The following PBX4 variants were observed in gnomAD, a reference collection of about 807,000 sequenced individuals.
PBX4 encodes the protein PBX homeobox 4.
Under a neutral mutation model 35.1 loss-of-function variants are expected in PBX4, and 26 were observed. That is an observed-to-expected ratio of 0.74 (90% confidence interval 0.54 to 1.03). The LOEUF (loss-of-function observed/expected upper bound fraction) is 1.03. Among genes scored for constraint, PBX4 ranks in the 50% least tolerant of loss-of-function variants. PBX4 has a pLI of 0.00. For synonymous variants in PBX4, 199 were observed against 204.2 expected, an observed-to-expected ratio of 0.97 and a Z score of 0.22; for missense variants, 448 against 504.3, an observed-to-expected ratio of 0.89 and a Z score of 1.07.
At chr19:19,617,535 C>T (rs982963792) in intron 1 of PBX4, among the ~76,000 whole-genome samples, 3 of 152,136 alleles carry the variant, frequency 2.0e-5, no homozygotes, top group Admixed American at 2.0e-4. Flanking sequence ...CCTCCTGCCT[C>T]AGCCTCCTAA....
intron 2 of PBX4, among the ~76,000 whole-genome samples, chr19:19,574,987 G>A (rs929848833): frequency 6.6e-6 from 1 of 151,892 alleles, no homozygotes; most frequent in African/African-American, 2.4e-5. Flanking sequence ...GCCCAGCCTG[G>A]AGACTCAATT....
intron 1 of PBX4, among the ~76,000 whole-genome samples, chr19:19,613,445 CAAAAAAAA>C (rs57256131): frequency 1.1e-4 from 12 of 113,636 alleles, no homozygotes; most frequent in Admixed American, 2.8e-4. Context: ...GACTCTGTCT[CAAAAAAAA>C]AAAAAAAAAA....
intron 2 of PBX4, among the ~76,000 whole-genome samples, chr19:19,573,328 T>TACACACACACACACACACAC (rs1387587008): frequency 1.1e-5 from 1 of 92,138 alleles, no homozygotes; most frequent in Non-Finnish European, 2.1e-5. Context: ...AAAAAAAAAA[T>TACACACACACACACACACAC]ATACACACAC....
At chr19:19,588,535 C>T (rs910077205) in intron 2 of PBX4, 15 of 488,094 alleles carry the variant, frequency 3.1e-5, no homozygotes, top group African/African-American at 1.7e-4. Flanking sequence ...CCTCACCCTC[C>T]GAAAGTGCTG....
chr19:19,606,985 T>C (rs1399444818), intron 1 of PBX4, among the ~76,000 whole-genome samples: 1 of 152,132 alleles, frequency 6.6e-6, no homozygotes, highest in Non-Finnish European at 1.5e-5. Context: ...AGCAAGACTC[T>C]GTCTCAAAAC....
chr19:19,590,073 T>C (rs1018064104), intron 2 of PBX4, among the ~76,000 whole-genome samples: 1 of 152,194 alleles, frequency 6.6e-6, no homozygotes, highest in African/African-American at 2.4e-5. Context: ...GTAAGCTTTA[T>C]TGAGATATAA....
chr19:19,587,836 G>A (rs994292100), intron 2 of PBX4, among the ~76,000 whole-genome samples: 3 of 151,726 alleles, frequency 2.0e-5, no homozygotes, highest in Admixed American at 6.6e-5. Flanking sequence ...TCGAATTCAA[G>A]AAAAAACATT....
intron 2 of PBX4, among the ~76,000 whole-genome samples, chr19:19,587,924 C>A (rs1208345449): frequency 6.6e-6 from 1 of 151,998 alleles, no homozygotes; most frequent in Non-Finnish European, 1.5e-5. Flanking sequence ...CTACTACATG[C>A]CTGGGTGAAG....
At chr19:19,596,776 G>A (rs1272499494) in intron 2 of PBX4, among the ~76,000 whole-genome samples, 1 of 151,698 alleles carries the variant, frequency 6.6e-6, no homozygotes, top group African/African-American at 2.4e-5. Flanking sequence ...AAAATTAGCT[G>A]GGCAACGTGG....
At position 19,563,868 on chromosome 19, in the gene PBX4, C is replaced by A. The variant is rs558646451; in HGVS notation, c.926-253G>T. On this transcript the variant is annotated intron_variant, in intron 6 of 7. Coordinates refer to ENST00000251203, the MANE Select transcript of PBX4 (RefSeq NM_025245.3). This position sits in a 1 kb window ranked among gnomAD's most constrained non-coding sequence, Gnocchi z 5.1. ...TGTCACCCAGGCTTGAGTGCAGTGG[C>A]ACGATCTTGGCTCACTGCAAGCTCT... 1.4e-4 allele frequency: 50 copies of A among 367,988 alleles called. No homozygotes were observed. The East Asian group carries it at 2.9e-3, about 21-fold the overall frequency. 22.8% of individuals were successfully genotyped at this position (367,988 alleles called of 1,614,324 possible). A position where few individuals can be genotyped will look rare whatever the true frequency, so the allele number is the denominator to read the frequency against.
At chr19:19,569,163 A>AGCCTCACCC (rs1364218848) in intron 5 of PBX4, among the ~76,000 whole-genome samples, 4 of 152,070 alleles carry the variant, frequency 2.6e-5, no homozygotes, top group Admixed American at 6.6e-5. Flanking sequence ...GGCTCAAGTG[A>AGCCTCACCC]TCCTTCCACC....
chr19:19,600,816 C>CAAAAA (rs35643130), intron 1 of PBX4, among the ~76,000 whole-genome samples: 1 of 88,744 alleles, frequency 1.1e-5, no homozygotes. Context: ...GACTCCATCT[C>CAAAAA]AAAAAAAAAA....
intron 2 of PBX4, chr19:19,588,211 G>A: frequency 7.4e-7 from 1 of 1,357,316 alleles, no homozygotes; most frequent in Non-Finnish European, 1.0e-6. Flanking sequence ...TACAATAATA[G>A]GCATCAGAGA....
At chr19:19,588,514 TG>T (rs2061505120) in intron 2 of PBX4, 1 of 533,574 alleles carries the variant, frequency 1.9e-6, no homozygotes. Flanking sequence ...CCTGACCTCG[TG>T]ATCTACCCGC....
At chr19:19,600,401 G>A (rs1175878387) in intron 1 of PBX4, among the ~76,000 whole-genome samples, 1 of 151,796 alleles carries the variant, frequency 6.6e-6, no homozygotes, top group Non-Finnish European at 1.5e-5. Context: ...TGGTATGCCT[G>A]TAGTCCCAAT....
intron 2 of PBX4, among the ~76,000 whole-genome samples, chr19:19,583,720 TG>T (rs972448716): frequency 2.0e-5 from 3 of 151,944 alleles, no homozygotes; most frequent in Non-Finnish European, 2.9e-5. Context: ...AGGCTGGGGT[TG>T]GGGGGAATCA....
intron 1 of PBX4, among the ~76,000 whole-genome samples, chr19:19,615,026 G>A (rs2061681160): frequency 6.6e-6 from 1 of 151,658 alleles, no homozygotes; most frequent in Non-Finnish European, 1.5e-5. Flanking sequence ...TAGCCAGGCG[G>A]TAGTGGCACA....
chr19:19,588,265 T>C (rs1290274296), intron 2 of PBX4: 6 of 1,251,082 alleles, frequency 4.8e-6, no homozygotes, highest in South Asian at 2.4e-5. Context: ...GTAAGATCCA[T>C]AGTTACATTC....
chr19:19,568,377 A>ATCCCTCAGGGAGCTCACACTCCATCT (rs2061357753), intron 5 of PBX4, among the ~76,000 whole-genome samples: 1 of 47,948 alleles, frequency 2.1e-5, no homozygotes, highest in African/African-American at 8.6e-5. Context: ...ACACTCTATC[A>ATCCCTCAGGGAGCTCACACTCCATCT]GTATCCCTCA....
Sources: allele counts gnomAD v4.1 joint callset (sites outside exome capture counted in the v4.1 genomes callset), GRCh38; gene constraint gnomAD v4.1.1; non-coding constraint Gnocchi (gnomAD v3.1); transcripts MANE v1.5; gene names NCBI Gene and HGNC (gene_info 2026-07-23, HGNC 2026-07-21).